Variants in OPRM1 observed in about 807,000 individuals in gnomAD.
The protein encoded by OPRM1 is mu-type opioid receptor.
Under a neutral mutation model 31.8 loss-of-function variants are expected in OPRM1, and 27 were observed. That is an observed-to-expected ratio of 0.85 (90% confidence interval 0.63 to 1.17). The LOEUF (loss-of-function observed/expected upper bound fraction) is 1.17. OPRM1 is among the 50% of genes most tolerant of loss of function. The probability of loss-of-function intolerance (pLI) is 0.00; values close to 1 mark genes in which losing one functional copy is unlikely to be tolerated. For missense variants in OPRM1, 536 were observed against 511.1 expected, an observed-to-expected ratio of 1.05 and a Z score of -0.47; for synonymous variants, 196 against 189.9, an observed-to-expected ratio of 1.03 and a Z score of -0.26.
rs1396958291 is a variant in OPRM1 at position 154,236,189 on chromosome 6, A to G, written c.1165-10504A>G. On this transcript the variant is annotated intron_variant, in intron 3 of 3. Coordinates refer to the OPRM1 transcript ENST00000337049. ...AGTCAATAAACAAAATGTGGTACACACATCAAGGGGATAAGATTCAGCTTA... is the reference window on the plus strand; with the variant it reads ...AGTCAATAAACAAAATGTGGTACACGCATCAAGGGGATAAGATTCAGCTTA... 2.0e-5 allele frequency among the ~76,000 whole-genome samples: 3 copies of G among 152,360 alleles called. No individual in the cohort carries two copies. In the East Asian group the frequency reaches 5.8e-4, roughly 29 times the overall value.
At chr6:154,139,772 C>T (rs1367892425) in intron 3 of OPRM1, among the ~76,000 whole-genome samples, 1 of 152,134 alleles carries the variant, frequency 6.6e-6, no homozygotes, top group African/African-American at 2.4e-5. Flanking sequence ...TAGGCAGCCA[C>T]TTAAATCAGC....
chr6:154,110,886 C>CTAAAAA (rs1796277635), intron 3 of OPRM1, among the ~76,000 whole-genome samples: 1 of 63,610 alleles, frequency 1.6e-5, no homozygotes, highest in Non-Finnish European at 3.0e-5. Flanking sequence ...GACTCCGTCT[C>CTAAAAA]AAAAAAAAAA....
At chr6:154,240,056 G>T (rs1392449818) in intron 3 of OPRM1, among the ~76,000 whole-genome samples, 1 of 152,108 alleles carries the variant, frequency 6.6e-6, no homozygotes, top group African/African-American at 2.4e-5. Flanking sequence ...TCAGAGGCTG[G>T]TTCTTGGCTA....
At chr6:154,050,171 G>T (rs1781914843) in intron 1 of OPRM1, among the ~76,000 whole-genome samples, 1 of 152,120 alleles carries the variant, frequency 6.6e-6, no homozygotes. Context: ...TTATGGCTTA[G>T]ATCTCAGTAC....
At position 154,241,470 on chromosome 6, in the gene OPRM1, C is replaced by G. The variant is rs1183455447; in HGVS notation, c.1165-5223C>G. ...ACGGTGAATCTAAATGAAATTCCAC[C>G]CTTCTTACTCACAAACTCTTTGTCC... On this transcript the variant is annotated intron_variant, in intron 3 of 3. Coordinates refer to the OPRM1 transcript ENST00000337049. Among the ~76,000 whole-genome samples the G allele has an allele frequency of 4.6e-5, 7 of 151,966 alleles. No homozygotes were observed. In the East Asian group the frequency reaches 9.6e-4, roughly 21 times the overall value.
At chr6:154,155,456 T>C (rs1364918552) in intron 3 of OPRM1, 1 of 152,192 alleles carries the variant, frequency 6.6e-6, no homozygotes. Context: ...TGGCAGCTTT[T>C]CTGTACTTAA....
At position 154,126,019 on chromosome 6, in the gene OPRM1, A is replaced by G. The variant is rs59088145; in HGVS notation, c.*7298A>G. ...GGGTTTCACCGTTTTAGCCGGGATGATCTCGATCTCCTGACCTCGTGATCC... is the reference window on the plus strand; with the variant it reads ...GGGTTTCACCGTTTTAGCCGGGATGGTCTCGATCTCCTGACCTCGTGATCC... On this transcript the variant is annotated 3_prime_UTR_variant, in exon 4 of 4. Coordinates refer to ENST00000330432, the MANE Select transcript of OPRM1 (RefSeq NM_000914.5). Among the ~76,000 whole-genome samples the G allele has an allele frequency of 0.82, 12,520 of 15,336 alleles. 5,871 individuals carry two copies. The highest frequency in any genetic ancestry group is 1 in the Middle Eastern group (12 of 12). The allele number at this position is 15,336 out of a possible 152,430, so 10.1% of individuals were successfully genotyped here.
chr6:154,062,800 T>C (rs1784660567), intron 1 of OPRM1, among the ~76,000 whole-genome samples: 1 of 152,036 alleles, frequency 6.6e-6, no homozygotes, highest in Admixed American at 6.6e-5. Context: ...AATGTCAAAA[T>C]ATTCAGACAT....
At chr6:154,102,396 A>G (rs1435679041) in intron 3 of OPRM1, among the ~76,000 whole-genome samples, 6 of 152,264 alleles carry the variant, frequency 3.9e-5, no homozygotes, top group East Asian at 1.9e-4. Flanking sequence ...GTGTCAGGCA[A>G]CTGGCTAATA....
rs144120417 is a variant in OPRM1 at position 154,092,815 on chromosome 6, C to A, written c.1164+1343C>A. 5.8e-3 allele frequency among the ~76,000 whole-genome samples: 888 copies of A among 152,266 alleles called. 6 individuals are homozygous for A. Among genetic ancestry groups the A allele is most frequent in the African/African-American group, 0.02 (846 of 41,560 alleles). ...AAGGGAACACAGGAACTCACACCCC[C>A]TAGAGAGCATGAGGTAATGATGGCA... is the stretch of plus-strand genomic sequence containing the variant. On this transcript the variant is annotated intron_variant, in intron 3 of 3. Coordinates refer to ENST00000330432, the MANE Select transcript of OPRM1 (RefSeq NM_000914.5).
At chr6:154,212,743 C>A in intron 3 of OPRM1, 1 of 1,484,254 alleles carries the variant, frequency 6.7e-7, no homozygotes, top group Non-Finnish European at 9.4e-7. Flanking sequence ...GATCGATGAC[C>A]AACAGACTAC....
intron 3 of OPRM1, among the ~76,000 whole-genome samples, chr6:154,175,586 T>A (rs1800251950): frequency 6.6e-6 from 1 of 151,940 alleles, no homozygotes; most frequent in Non-Finnish European, 1.5e-5. Flanking sequence ...AACTGAGAAA[T>A]TCATGGACAC....
At chr6:154,239,455 A>T (rs949888592) in intron 3 of OPRM1, among the ~76,000 whole-genome samples, 2 of 152,234 alleles carry the variant, frequency 1.3e-5, no homozygotes, top group Admixed American at 1.3e-4. Context: ...AGAATTCAAG[A>T]AAGTCCTCAA....
chr6:154,175,198 T>G (rs1350704942), intron 3 of OPRM1, among the ~76,000 whole-genome samples: 1 of 152,180 alleles, frequency 6.6e-6, no homozygotes, highest in Non-Finnish European at 1.5e-5. Context: ...TTTACAGCAC[T>G]AAATGCCCAC....
At chr6:154,099,720 T>C (rs1794194785) in intron 3 of OPRM1, among the ~76,000 whole-genome samples, 1 of 144,448 alleles carries the variant, frequency 6.9e-6, no homozygotes, top group African/African-American at 2.8e-5. Context: ...ACAAGATTCA[T>C]TTCAAATGTT....
chr6:154,214,254 C>A, intron 3 of OPRM1: 2 of 1,610,998 alleles, frequency 1.2e-6, no homozygotes, highest in Middle Eastern at 1.7e-4. Flanking sequence ...TGGATTACAG[C>A]CGATCCAAGT....
intron 3 of OPRM1, among the ~76,000 whole-genome samples, chr6:154,220,802 C>T (rs779407776): frequency 5.9e-5 from 9 of 152,156 alleles, no homozygotes; most frequent in Non-Finnish European, 1.2e-4. Context: ...TGATGTACTC[C>T]GAGCAAAGGC....
chr6:154,223,905 A>T (rs1461954777), intron 3 of OPRM1, among the ~76,000 whole-genome samples: 3 of 152,252 alleles, frequency 2.0e-5, no homozygotes, highest in Non-Finnish European at 4.4e-5. Flanking sequence ...AAGACTGCAT[A>T]AGAAAATTAT....
chr6:154,175,608 C>G (rs564731780), intron 3 of OPRM1, among the ~76,000 whole-genome samples: 1 of 151,994 alleles, frequency 6.6e-6, no homozygotes, highest in Non-Finnish European at 1.5e-5. Context: ...TACACCCTCC[C>G]AAAACTAAAC....
Sources: gnomAD v4.1 joint callset for allele counts (sites outside exome capture counted in the v4.1 genomes callset) on GRCh38, gnomAD v4.1.1 for gene constraint, MANE v1.5 for transcripts, NCBI Gene and HGNC (gene_info 2026-07-23, HGNC 2026-07-21) for gene names.